Variants in SPEN observed in about 807,000 individuals in gnomAD.
SPEN encodes the protein spen family transcriptional repressor, also known as msx2-interacting protein.
SPEN carries 18 observed loss-of-function variants against 269.9 expected under a neutral mutation model. The ratio of observed to expected loss-of-function variants is 0.07; its 90% CI spans 0.05 to 0.10. SPEN has a LOEUF of 0.10. Among genes scored for constraint, SPEN ranks in the 10% least tolerant of loss-of-function variants. The probability of loss-of-function intolerance (pLI) is 1.00; values close to 1 mark genes in which losing one functional copy is unlikely to be tolerated. For missense variants in SPEN, 3,822 were observed against 4,631.2 expected (o/e 0.83, Z 5.07); for synonymous variants, 1,726 against 1,765.7 (o/e 0.98, Z 0.56).
At chr1:15,870,845 T>TA (rs1268763318) in intron 1 of SPEN, among the ~76,000 whole-genome samples, 2 of 152,204 alleles carry the variant, frequency 1.3e-5, no homozygotes, top group African/African-American at 4.8e-5. Context: ...GTGAGTTTCT[T>TA]ATGCAGTTGA....
intron 1 of SPEN, among the ~76,000 whole-genome samples, chr1:15,863,155 G>A (rs1044180602): frequency 1.3e-5 from 2 of 152,216 alleles, no homozygotes; most frequent in South Asian, 2.1e-4. Flanking sequence ...AGGCTTAGGC[G>A]GGCAGATCAC....
Position 15,931,310 on chromosome 1 carries a change from T to C in SPEN, c.5070T>C (p.Ala1690=), listed in dbSNP as rs776129005. Residue 1690 remains alanine (A), a synonymous_variant, in exon 11 of 15, where the codon GCT becomes GCC. Coordinates refer to ENST00000375759, the MANE Select transcript of SPEN (RefSeq NM_015001.3). The surrounding 1 kb of genome is among the most constrained non-coding windows in gnomAD (Gnocchi z 4.8). ...AAGCAAAGCCTGCATCTGAACCTGC[T>C]CCTGCCCCTGTGGAACAGCTGGAAC... ...SEEAKPASEP[A]PAPVEQLEQV... is the part of the protein sequence containing the mutation. 1.7e-5 allele frequency: 27 copies of C among 1,614,000 alleles called. No individual in the cohort carries two copies. The highest frequency in any genetic ancestry group is 8.9e-5 in the East Asian group (4 of 44,892).
At chr1:15,905,595 A>G (rs1279205372) in intron 3 of SPEN, among the ~76,000 whole-genome samples, 3 of 148,950 alleles carry the variant, frequency 2.0e-5, no homozygotes, top group African/African-American at 7.4e-5. Flanking sequence ...TTTTTTTGAG[A>G]TGGAGTCTTG....
chr1:15,921,870 G>A (rs1235807813), intron 9 of SPEN, among the ~76,000 whole-genome samples: 1 of 152,114 alleles, frequency 6.6e-6, no homozygotes, highest in Non-Finnish European at 1.5e-5. Flanking sequence ...TAACTTTGAG[G>A]CCCAGCTGTG....
chr1:15,913,864 G>T (rs1273161160), intron 5 of SPEN, among the ~76,000 whole-genome samples: 3 of 152,012 alleles, frequency 2.0e-5, no homozygotes, highest in Non-Finnish European at 1.5e-5. Flanking sequence ...CTCCAAGGGG[G>T]AGAAAAAAAG....
rs374971530 is a variant in SPEN, at chr1:15,902,326, A to G, written c.882-6995A>G. ...TTATAAGGTTTTTTGGGTGAAGTAT[A>G]TGAAGAAAATTTGGCCTCACACAGA... is the stretch of plus-strand genomic sequence containing the variant. On this transcript the variant is annotated intron_variant, in intron 3 of 14. Transcript: ENST00000375759. Among the ~76,000 whole-genome samples the G allele has an allele frequency of 2.2e-4, 33 of 152,322 alleles. 1 individual carries two copies. The highest frequency in any genetic ancestry group is 7.7e-4 in the African/African-American group (32 of 41,572).
intron 3 of SPEN, among the ~76,000 whole-genome samples, chr1:15,904,735 G>A (rs981060163): frequency 6.6e-6 from 1 of 150,496 alleles, no homozygotes; most frequent in Non-Finnish European, 1.5e-5. Context: ...TTACAGGCAT[G>A]AGCCACCGTG....
At position 15,928,786 on chromosome 1, in the gene SPEN, A is replaced by G; in HGVS notation, c.2546A>G (p.Glu849Gly). 1.2e-6 allele frequency: 2 copies of G among 1,614,142 alleles called. No homozygotes were observed. Among genetic ancestry groups the G allele is most frequent in the Non-Finnish European group, 1.7e-6 (2 of 1,180,018 alleles). ...DQENEREQSP[E>G]KPRSCNKLSR... ...GAAAATGAGCGAGAGCAAAGCCCTG[A>G]AAAGCCCAGGAGTTGTAATAAACTG... The change falls in exon 11 of 15, where the codon GAA becomes GGA. Residue 849 changes from glutamate to glycine, a missense_variant. Transcript: ENST00000375759. The surrounding 1 kb of genome is among the most constrained non-coding windows in gnomAD (Gnocchi z 5.7).
intron 6 of SPEN, among the ~76,000 whole-genome samples, chr1:15,918,610 C>G (rs1363125630): frequency 1.3e-5 from 2 of 152,164 alleles, no homozygotes; most frequent in African/African-American, 4.8e-5. Context: ...AATAGCCTGC[C>G]TTTTCTTTAT....
chr1:15,895,155 C>T (rs796445843), intron 3 of SPEN, among the ~76,000 whole-genome samples: 13 of 152,274 alleles, frequency 8.5e-5, no homozygotes, highest in African/African-American at 3.1e-4. Context: ...CTCCCGACCT[C>T]AGGTGATCCG....
chr1:15,861,732 C>T lies in SPEN; in HGVS notation c.84-11084C>T, dbSNP rs773119991. Among the ~76,000 whole-genome samples the T allele has an allele frequency of 3.3e-5, 5 of 152,068 alleles. No individual in the cohort carries two copies. The South Asian group carries it at 6.2e-4, about 19-fold the overall frequency. ...GCTTTAAACATCCTCTCACCTTGGC[C>T]TCCCAGAATGCTGAAATAACAGGAC... is the stretch of plus-strand genomic sequence containing the variant. On this transcript the variant is annotated intron_variant, in intron 1 of 14. Coordinates refer to ENST00000375759, the MANE Select transcript of SPEN (RefSeq NM_015001.3).
In SPEN at chr1:15,932,326, A is replaced by G. The variant is rs1416239038; in HGVS notation, c.6086A>G (p.Glu2029Gly). ...ATAGGCGTGAAAGAGAGCTCCATGG[A>G]ACCCAAGGCTGCTGAGGAGGAGGCA... Reference protein sequence around the residue: ...PQIGVKESSMEPKAAEEEAGS... With the variant: ...PQIGVKESSMGPKAAEEEAGS... The change falls in exon 11 of 15, where the codon GAA becomes GGA. Residue 2029 changes from glutamate to glycine, a missense_variant. By Grantham distance (98) the Glu-to-Gly change is moderately conservative (BLOSUM62 -2). Around this residue, in one of 16 missense-constraint regions of SPEN, gnomAD observed 727 missense variants for 737.9 expected, o/e 0.99. Coordinates refer to ENST00000375759, the MANE Select transcript of SPEN (RefSeq NM_015001.3). This position sits in a 1 kb window ranked among gnomAD's most constrained non-coding sequence, Gnocchi z 4.2. The G allele has an allele frequency of 6.2e-7, 1 of 1,612,522 alleles. No homozygotes were observed. Among genetic ancestry groups the G allele is most frequent in the South Asian group, 1.1e-5 (1 of 90,788 alleles).
chr1:15,879,582 T>G (rs989937748), intron 3 of SPEN, among the ~76,000 whole-genome samples: 1 of 152,156 alleles, frequency 6.6e-6, no homozygotes, highest in African/African-American at 2.4e-5. Context: ...TTTTGATGAT[T>G]ATTTTATCAA....
chr1:15,861,548 A>T (rs1023700946), intron 1 of SPEN, among the ~76,000 whole-genome samples: 10 of 152,194 alleles, frequency 6.6e-5, no homozygotes, highest in African/African-American at 9.6e-5. Context: ...AGTCCTAAGG[A>T]TAGAAGCTGA....
chr1:15,863,253 A>G (rs1486994537), intron 1 of SPEN, among the ~76,000 whole-genome samples: 1 of 152,068 alleles, frequency 6.6e-6, no homozygotes, highest in Non-Finnish European at 1.5e-5. Flanking sequence ...TCAGAAAAAC[A>G]AAACAAAACT....
intron 3 of SPEN, among the ~76,000 whole-genome samples, chr1:15,891,639 C>T (rs1336266111): frequency 2.0e-5 from 3 of 151,864 alleles, no homozygotes; most frequent in East Asian, 1.9e-4. Context: ...CTTGAGCCAC[C>T]GCGCCCGGCC....
intron 3 of SPEN, among the ~76,000 whole-genome samples, chr1:15,901,932 T>G (rs1444857801): frequency 1.5e-5 from 2 of 134,636 alleles, no homozygotes; most frequent in East Asian, 4.0e-4. Flanking sequence ...TATTTAGTTT[T>G]TTTTTTTTTT....
In SPEN at chr1:15,933,904, C is replaced by T; in HGVS notation, c.7664C>T (p.Thr2555Ile). 2 of 1,614,028 alleles carry T rather than the reference C, an allele frequency of 1.2e-6. No homozygotes were observed. Among genetic ancestry groups the T allele is most frequent in the South Asian group, 2.2e-5 (2 of 91,088 alleles). Reference sequence around the variant, plus strand: ...ACAAGTGTCACTTCCACAAGTGTCACCACAGCCATTGCAGAGCCTGTCAGT... The same window carrying T: ...ACAAGTGTCACTTCCACAAGTGTCATCACAGCCATTGCAGAGCCTGTCAGT... The part of the protein sequence containing the change: ...SATSVTSTSV[T>I]TAIAEPVSAA... Residue 2555 changes from threonine to isoleucine, a missense_variant, in exon 11 of 15, where the codon ACC (threonine) becomes ATC (isoleucine). By Grantham distance (89) the Thr-to-Ile change is moderately conservative (BLOSUM62 -1). Transcript: ENST00000375759. This position sits in a 1 kb window ranked among gnomAD's most constrained non-coding sequence, Gnocchi z 5.7.
rs2071258289 is a variant in SPEN at position 15,934,791 on chromosome 1, G to A, written c.8551G>A (p.Val2851Met). The A allele has an allele frequency of 2.5e-6, 4 of 1,614,200 alleles. No individual in the cohort carries two copies. Among genetic ancestry groups the A allele is most frequent in the East Asian group, 4.5e-5 (2 of 44,878 alleles). ...SAMDIEFQQS[V>M]SKSQVKPDSV... ...AATGGACATTGAATTTCAGCAGTCA[G>A]TGTCCAAGTCCCAGGTCAAACCTGA... The change falls in exon 11 of 15, where the codon GTG becomes ATG. Residue 2851 changes from valine to methionine, a missense_variant. Physicochemically the swap from Val to Met is conservative, Grantham distance 21. Around this residue, in one of 16 missense-constraint regions of SPEN, gnomAD observed 329 missense variants for 431.2 expected, o/e 0.76. Coordinates refer to ENST00000375759, the MANE Select transcript of SPEN (RefSeq NM_015001.3). This position sits in a 1 kb window ranked among gnomAD's most constrained non-coding sequence, Gnocchi z 9.2.
Sources: gnomAD v4.1 joint callset for allele counts (sites outside exome capture counted in the v4.1 genomes callset) on GRCh38, gnomAD v4.1.1 for gene constraint, gnomAD v4.1.1 regional missense constraint, Gnocchi (gnomAD v3.1) non-coding constraint, MANE v1.5 for transcripts, NCBI Gene and HGNC (gene_info 2026-07-23, HGNC 2026-07-21) for gene names.